The following DDAH1 variants were observed in gnomAD, a reference collection of about 807,000 sequenced individuals.
DDAH1 encodes dimethylarginine dimethylaminohydrolase 1.
In DDAH1, 19 loss-of-function variants were observed where a neutral mutation model predicts 28.8. The ratio of observed to expected loss-of-function variants is 0.66; its 90% CI spans 0.46 to 0.97. DDAH1 has a LOEUF of 0.97. Among genes scored for constraint, DDAH1 ranks in the 50% least tolerant of loss-of-function variants. The pLI, the probability that DDAH1 is intolerant of heterozygous loss-of-function variation, is 0.00. For missense variants in DDAH1, 326 were observed against 375.9 expected (o/e 0.87, Z 1.10); for synonymous variants, 153 against 154.4 (o/e 0.99, Z 0.07).
At chr1:85,426,819 G>C (rs1027286387) in intron 1 of DDAH1, among the ~76,000 whole-genome samples, 2 of 149,532 alleles carry the variant, frequency 1.3e-5, no homozygotes, top group Admixed American at 6.8e-5. Context: ...GGCTGAGGCA[G>C]GAGCATTGCT....
At chr1:85,530,266 G>C (rs1210562479) in intron 1 of DDAH1, among the ~76,000 whole-genome samples, 7 of 152,208 alleles carry the variant, frequency 4.6e-5, no homozygotes, top group African/African-American at 1.7e-4. Context: ...GGAGAATCCA[G>C]TCCCCATATA....
At chr1:85,567,178 C>T (rs571842903) in intron 1 of DDAH1, among the ~76,000 whole-genome samples, 106 of 152,322 alleles carry the variant, frequency 7.0e-4, no homozygotes, top group Middle Eastern at 3.4e-3. Context: ...AAAACACCCA[C>T]ACAGACACAC....
rs1265461510 is a variant in DDAH1 at position 85,319,174 on chromosome 1, C to T, written c.*2278G>A. The T allele has an allele frequency of 6.6e-6, 1 of 152,108 alleles. No homozygotes were observed. 9.4% of individuals were successfully genotyped at this position (152,108 alleles called of 1,614,324 possible). On this transcript the variant is annotated 3_prime_UTR_variant, in exon 6 of 6. Coordinates refer to ENST00000284031, the MANE Select transcript of DDAH1 (RefSeq NM_012137.4). ...CTATGCTGCAAGTAATTTAGGTTTTCACATCATCAATCATATAGGGAGTCC... is the reference window on the plus strand; with the variant it reads ...CTATGCTGCAAGTAATTTAGGTTTTTACATCATCAATCATATAGGGAGTCC...
chr1:85,488,812 G>T (rs192151988), intron 2 of DDAH1, among the ~76,000 whole-genome samples: 2 of 152,240 alleles, frequency 1.3e-5, no homozygotes, highest in East Asian at 3.9e-4. Flanking sequence ...ACATAAACTG[G>T]AATTATATTC....
chr1:85,381,549 G>T (rs142683767), intron 1 of DDAH1, among the ~76,000 whole-genome samples: 2 of 145,306 alleles, frequency 1.4e-5, no homozygotes, highest in Non-Finnish European at 3.0e-5. Context: ...ATGCCTTTAC[G>T]CCTGCATTGT....
chr1:85,465,710 A>C (rs763333891), upstream of DDAH1, among the ~76,000 whole-genome samples: 67 of 152,130 alleles, frequency 4.4e-4, no homozygotes, highest in Non-Finnish European at 7.9e-4. Context: ...ACAAAACAGC[A>C]TTTGCATATC....
chr1:85,520,387 C>A (rs1657640409), intron 1 of DDAH1, among the ~76,000 whole-genome samples: 1 of 152,130 alleles, frequency 6.6e-6, no homozygotes, highest in Non-Finnish European at 1.5e-5. Context: ...TAAAGGTAGA[C>A]ATGGAACTAG....
At chr1:85,475,836 TGTTTGTTC>T (rs1402256261) in intron 2 of DDAH1, among the ~76,000 whole-genome samples, 1 of 152,078 alleles carries the variant, frequency 6.6e-6, no homozygotes, top group African/African-American at 2.4e-5. Context: ...GGGTTTTGTT[TGTTTGTTC>T]GTTTGTTTTT....
At chr1:85,359,069 G>A (rs377691683) in intron 1 of DDAH1, among the ~76,000 whole-genome samples, 2 of 152,292 alleles carry the variant, frequency 1.3e-5, no homozygotes, top group East Asian at 3.9e-4. Flanking sequence ...TTCCCTTCTA[G>A]TGTAAGATTG....
chr1:85,515,125 C>T (rs1259562418), intron 1 of DDAH1, among the ~76,000 whole-genome samples: 4 of 148,190 alleles, frequency 2.7e-5, no homozygotes, highest in Non-Finnish European at 4.5e-5. Flanking sequence ...CATGGTGGCT[C>T]ACACCTGTAA....
chr1:85,464,607 CACA>C lies in DDAH1; in HGVS notation c.303+133_303+135del. ...ACTCTCTGACACACACACACACACA[CACA>C]CTCGCCCCCCGACGGGAAGTTGTGA... On this transcript the variant is annotated intron_variant, in intron 1 of 5. Coordinates refer to ENST00000284031, the MANE Select transcript of DDAH1 (RefSeq NM_012137.4). The surrounding 1 kb of genome is among the most constrained non-coding windows in gnomAD (Gnocchi z 4.4). 6.6e-7 allele frequency: 1 copy of C among 1,525,380 alleles called. No homozygotes were observed. Among genetic ancestry groups the C allele is most frequent in the Non-Finnish European group, 8.8e-7 (1 of 1,140,676 alleles). The allele number at this position is 1,525,380 out of a possible 1,614,324, so 94.5% of individuals were successfully genotyped here.
chr1:85,378,554 A>G (rs894671884), intron 1 of DDAH1, among the ~76,000 whole-genome samples: 10 of 152,184 alleles, frequency 6.6e-5, no homozygotes, highest in Admixed American at 6.5e-4. Context: ...GACCATAAGC[A>G]TGTGCCACCA....
At chr1:85,511,461 A>G (rs1441112560) in intron 1 of DDAH1, among the ~76,000 whole-genome samples, 1 of 152,216 alleles carries the variant, frequency 6.6e-6, no homozygotes, top group Non-Finnish European at 1.5e-5. Context: ...AAGAGCAAAC[A>G]CATTCAAAAG....
At chr1:85,518,866 G>T (rs1174841179) in intron 1 of DDAH1, among the ~76,000 whole-genome samples, 1 of 152,056 alleles carries the variant, frequency 6.6e-6, no homozygotes, top group Admixed American at 6.6e-5. Context: ...ACATATAATT[G>T]TTGTGACTTT....
intron 1 of DDAH1, chr1:85,404,241 T>C: frequency 1.5e-6 from 1 of 688,944 alleles, no homozygotes; most frequent in Non-Finnish European, 2.2e-6. Flanking sequence ...ATGACCTCCA[T>C]TTCTAGAATC....
chr1:85,557,843 A>G (rs1659019510), intron 1 of DDAH1, among the ~76,000 whole-genome samples: 1 of 152,152 alleles, frequency 6.6e-6, no homozygotes, highest in Non-Finnish European at 1.5e-5. Flanking sequence ...CACAAACAGA[A>G]GGTGGTCACC....
intron 1 of DDAH1, among the ~76,000 whole-genome samples, chr1:85,405,722 A>T (rs553176308): frequency 3.9e-5 from 6 of 152,174 alleles, no homozygotes; most frequent in Non-Finnish European, 5.9e-5. Context: ...GGAATCCTCT[A>T]TGAAAAAGAG....
intron 1 of DDAH1, among the ~76,000 whole-genome samples, chr1:85,406,699 G>T (rs1433882231): frequency 1.3e-5 from 2 of 152,070 alleles, no homozygotes; most frequent in Non-Finnish European, 2.9e-5. Context: ...TATTTGTGGT[G>T]AGAACACGTA....
At chr1:85,527,307 G>A (rs1315082817) in intron 1 of DDAH1, among the ~76,000 whole-genome samples, 15 of 151,344 alleles carry the variant, frequency 9.9e-5, no homozygotes, top group African/African-American at 2.9e-4. Context: ...GTCTGCCAGC[G>A]AAAGGCTTGT....
Sources: gnomAD v4.1 joint callset for allele counts (sites outside exome capture counted in the v4.1 genomes callset) on GRCh38, gnomAD v4.1.1 for gene constraint, Gnocchi (gnomAD v3.1) non-coding constraint, MANE v1.5 for transcripts, NCBI Gene and HGNC (gene_info 2026-07-23, HGNC 2026-07-21) for gene names.